Variants in PLEKHA7 observed in about 807,000 individuals in gnomAD.
PLEKHA7 encodes the protein pleckstrin homology domain containing A7.
Under a neutral mutation model 170.0 loss-of-function variants are expected in PLEKHA7, and 104 were observed. That is an observed-to-expected ratio of 0.61 (90% CI 0.52 to 0.72). The LOEUF is 0.72. Ranked by LOEUF, PLEKHA7 falls within the 30% of genes least tolerant of loss-of-function variation. The pLI is 0.00. For missense variants in PLEKHA7, 1,615 were observed against 1,671.7 expected, an observed-to-expected ratio of 0.97 and a Z score of 0.59; for synonymous variants, 648 against 660.8, an observed-to-expected ratio of 0.98 and a Z score of 0.30.
chr11:16,888,918 GA>G (rs1381148236), intron 3 of PLEKHA7, among the ~76,000 whole-genome samples: 4 of 113,988 alleles, frequency 3.5e-5, no homozygotes, highest in African/African-American at 1.2e-4. Flanking sequence ...AAAAAAAAAA[GA>G]AACCCTGTCT....
chr11:16,828,907 TG>T (rs1850879163), intron 9 of PLEKHA7, among the ~76,000 whole-genome samples: 2 of 152,230 alleles, frequency 1.3e-5, no homozygotes, highest in Admixed American at 1.3e-4. Flanking sequence ...GGAAAGCAGA[TG>T]GAGAAACATA....
intron 8 of PLEKHA7, among the ~76,000 whole-genome samples, chr11:16,845,291 A>C (rs1852301430): frequency 6.6e-6 from 1 of 152,216 alleles, no homozygotes; most frequent in African/African-American, 2.4e-5. Context: ...GGCCTTGCAG[A>C]TCATATAGGG....
rs1849225056 is a variant in PLEKHA7 at position 16,783,852 on chromosome 11, G to A, written c.3517-19C>T. The A allele has an allele frequency of 6.3e-6, 9 of 1,431,320 alleles. No individual in the cohort carries two copies. The East Asian group carries it at 1.4e-4, about 23-fold the overall frequency. The allele number at this position is 1,431,320 out of a possible 1,614,324, so 88.7% of individuals were successfully genotyped here. On this transcript the variant is annotated intron_variant, in intron 24 of 26. Coordinates refer to ENST00000531066, the MANE Select transcript of PLEKHA7 (RefSeq NM_001329630.2). Reference sequence around the variant, plus strand: ...TGGACAGCTGGGGAGAGGCCAGGAGGTGGCAGAGGGAGAGGCTCAGATGTC... The same window carrying A: ...TGGACAGCTGGGGAGAGGCCAGGAGATGGCAGAGGGAGAGGCTCAGATGTC...
At chr11:17,004,834 A>G (rs562108075) in intron 3 of PLEKHA7, among the ~76,000 whole-genome samples, 4 of 152,394 alleles carry the variant, frequency 2.6e-5, no homozygotes, top group Non-Finnish European at 4.4e-5. Flanking sequence ...AATATTTCTC[A>G]TTTCAGAAAA....
chr11:17,006,626 CAAA>C (rs59063580), intron 3 of PLEKHA7, among the ~76,000 whole-genome samples: 1 of 122,210 alleles, frequency 8.2e-6, no homozygotes, highest in African/African-American at 3.2e-5. Flanking sequence ...GACTCAGTCT[CAAA>C]AAAAAAAAAA....
At chr11:16,958,018 T>C (rs1054288544) in intron 3 of PLEKHA7, among the ~76,000 whole-genome samples, 1 of 152,070 alleles carries the variant, frequency 6.6e-6, no homozygotes, top group Non-Finnish European at 1.5e-5. Flanking sequence ...TCAATAATTT[T>C]TTAAGATCAT....
At chr11:16,878,821 CAAG>C (rs1378682656) in intron 3 of PLEKHA7, among the ~76,000 whole-genome samples, 1 of 152,186 alleles carries the variant, frequency 6.6e-6, no homozygotes, top group Non-Finnish European at 1.5e-5. Context: ...GTAACAGAGA[CAAG>C]AACCTAATGG....
intron 3 of PLEKHA7, among the ~76,000 whole-genome samples, chr11:16,952,841 T>A (rs981144860): frequency 2.4e-4 from 37 of 152,254 alleles, no homozygotes; most frequent in African/African-American, 8.4e-4. Flanking sequence ...AATTATACTT[T>A]GAGTATTTCT....
chr11:16,823,434 T>A (rs183040306), intron 10 of PLEKHA7, among the ~76,000 whole-genome samples: 3 of 152,196 alleles, frequency 2.0e-5, no homozygotes, highest in Non-Finnish European at 4.4e-5. Context: ...GCTGTAAGCA[T>A]TCCACCCTGG....
At chr11:16,951,887 C>T (rs1403503790) in intron 3 of PLEKHA7, among the ~76,000 whole-genome samples, 1 of 152,220 alleles carries the variant, frequency 6.6e-6, no homozygotes, top group Non-Finnish European at 1.5e-5. Flanking sequence ...CTCTGTGCTT[C>T]TGTTTATCTT....
intron 4 of PLEKHA7, among the ~76,000 whole-genome samples, chr11:16,857,525 C>T (rs1461944848): frequency 6.6e-6 from 1 of 152,220 alleles, no homozygotes; most frequent in East Asian, 1.9e-4. Context: ...GCGGCCTTGT[C>T]CATCCCCTTT....
At chr11:16,990,288 A>AAAAAAAAAAACCC (rs1565186059) in intron 3 of PLEKHA7, among the ~76,000 whole-genome samples, 1 of 58,954 alleles carries the variant, frequency 1.7e-5, no homozygotes, top group African/African-American at 8.2e-5. Context: ...AAAAAAAAAA[A>AAAAAAAAAAACCC]AAAAAAAAAA....
At chr11:16,847,047 T>TGGGGAAAGGGCATTCCAGGCTGTG (rs1204192684) in intron 8 of PLEKHA7, among the ~76,000 whole-genome samples, 1 of 150,100 alleles carries the variant, frequency 6.7e-6, no homozygotes, top group East Asian at 2.0e-4. Flanking sequence ...AAGTAAGAGT[T>TGGGGAAAGGGCATTCCAGGCTGTG]GGGGAAAGGG....
At chr11:16,804,110 C>CT (rs1702246700) in intron 13 of PLEKHA7, among the ~76,000 whole-genome samples, 1 of 152,190 alleles carries the variant, frequency 6.6e-6, no homozygotes, top group African/African-American at 2.4e-5. Flanking sequence ...CCCCCAATTT[C>CT]TTTCTTGCCA....
At chr11:16,781,062 G>A in intron 26 of PLEKHA7, 2 of 971,950 alleles carry the variant, frequency 2.1e-6, no homozygotes, top group Non-Finnish European at 2.4e-6. Flanking sequence ...GCTAGATGGG[G>A]CACACAGGAA....
chr11:16,870,985 C>G (rs777268116), intron 4 of PLEKHA7, 114 bp downstream of exon 4: 38 of 713,468 alleles, frequency 5.3e-5, no homozygotes, highest in Middle Eastern at 5.0e-4. Context: ...AACCAACCCA[C>G]TCACCCCAAG....
intron 3 of PLEKHA7, among the ~76,000 whole-genome samples, chr11:16,915,092 C>T (rs564743186): frequency 3.9e-4 from 60 of 152,300 alleles, no homozygotes; most frequent in African/African-American, 1.4e-3. Flanking sequence ...CAATGATCCC[C>T]TGTGGCCGAA....
chr11:16,989,375 G>A (rs4757472), intron 3 of PLEKHA7, among the ~76,000 whole-genome samples: 59,574 of 151,986 alleles, frequency 0.39, 12,194 homozygotes, highest in East Asian at 0.57. Flanking sequence ...TACGAAATGA[G>A]CTACAAAATG....
At chr11:16,865,647 A>G (rs1483075001) in intron 4 of PLEKHA7, among the ~76,000 whole-genome samples, 1 of 151,636 alleles carries the variant, frequency 6.6e-6, no homozygotes, top group Non-Finnish European at 1.5e-5. Flanking sequence ...CAATGACCCA[A>G]GATCACACCA....
Sources: gnomAD v4.1 joint callset for allele counts (sites outside exome capture counted in the v4.1 genomes callset) on GRCh38, gnomAD v4.1.1 for gene constraint, MANE v1.5 for transcripts, NCBI Gene and HGNC (gene_info 2026-07-23, HGNC 2026-07-21) for gene names.